The following KIAA0513 variants were observed in gnomAD, a reference collection of about 807,000 sequenced individuals.
The protein encoded by KIAA0513 is KIAA0513.
Under a neutral mutation model 56.5 loss-of-function variants are expected in KIAA0513, and 39 were observed. That is an observed-to-expected ratio of 0.69 (90% CI 0.53 to 0.90). The LOEUF (loss-of-function observed/expected upper bound fraction) is 0.90. Ranked by LOEUF, KIAA0513 falls within the 40% of genes least tolerant of loss-of-function variation. KIAA0513 has a pLI of 0.00. For missense variants in KIAA0513, 591 were observed against 535.2 expected (o/e 1.10, Z -1.03); for synonymous variants, 268 against 215.6 (o/e 1.24, Z -2.13).
intron 1 of KIAA0513, among the ~76,000 whole-genome samples, chr16:85,043,040 T>G (rs2073124503): frequency 6.6e-6 from 1 of 152,310 alleles, no homozygotes; most frequent in Non-Finnish European, 1.5e-5. Flanking sequence ...TATAAACAAG[T>G]AGTAGGAAAG....
At chr16:85,030,092 A>G (rs1312734168) in intron 1 of KIAA0513, among the ~76,000 whole-genome samples, 1 of 151,784 alleles carries the variant, frequency 6.6e-6, no homozygotes, top group Non-Finnish European at 1.5e-5. Flanking sequence ...CTTCTCTTCC[A>G]CCACCTCCCC....
intron 1 of KIAA0513, among the ~76,000 whole-genome samples, chr16:85,066,051 A>G (rs1175915902): frequency 6.6e-6 from 1 of 152,230 alleles, no homozygotes; most frequent in Non-Finnish European, 1.5e-5. Flanking sequence ...GGAGGGGCGT[A>G]TACTTTACGG....
In KIAA0513 at chr16:85,060,053, C is replaced by T. The variant is rs182408834; in HGVS notation, c.-172-6847C>T. ...TTGGCTCACTGCAACCTCCGCTTCC[C>T]GGGCTCAAGCGATCCTCATGCCTCA... On this transcript the variant is annotated intron_variant, in intron 1 of 12. Transcript: ENST00000683363. Among the ~76,000 whole-genome samples, 49 of 152,292 alleles carry T rather than the reference C, an allele frequency of 3.2e-4. 1 individual carries two copies. Among genetic ancestry groups the T allele is most frequent in the Admixed American group, 2.2e-3 (34 of 15,294 alleles).
At chr16:85,050,037 C>T (rs2073228032) in intron 1 of KIAA0513, among the ~76,000 whole-genome samples, 1 of 152,140 alleles carries the variant, frequency 6.6e-6, no homozygotes, top group South Asian at 2.1e-4. Flanking sequence ...GCCCGTCACC[C>T]AGGGAGGGCG....
chr16:85,084,429 CTTTT>C (rs34048494), intron 10 of KIAA0513, among the ~76,000 whole-genome samples: 1 of 53,988 alleles, frequency 1.9e-5, no homozygotes, highest in Non-Finnish European at 3.6e-5. Flanking sequence ...TTTTCGTTCT[CTTTT>C]TTTTTTTTTT....
At chr16:85,059,634 C>T (rs2073376185) in intron 1 of KIAA0513, among the ~76,000 whole-genome samples, 1 of 152,212 alleles carries the variant, frequency 6.6e-6, no homozygotes, top group Admixed American at 6.5e-5. Flanking sequence ...AATACTGCCT[C>T]AGTGGTGTGA....
At chr16:85,062,539 A>G (rs2073421207) in intron 1 of KIAA0513, among the ~76,000 whole-genome samples, 1 of 152,212 alleles carries the variant, frequency 6.6e-6, no homozygotes, top group South Asian at 2.1e-4. Flanking sequence ...GGTTTCTCAG[A>G]GTCTGGGGAC....
At chr16:85,034,685 T>C (rs931296290) in intron 1 of KIAA0513, among the ~76,000 whole-genome samples, 4 of 152,114 alleles carry the variant, frequency 2.6e-5, no homozygotes, top group African/African-American at 9.7e-5. Context: ...ATTTATAGGG[T>C]TTCCTCTGTC....
Position 85,081,319 on chromosome 16 carries a change from A to G in KIAA0513, c.907A>G (p.Thr303Ala). ...THLKQQPIWH[T>A]LRFWNAAFFD... ...GACTGGGGCTCTGTCTTGCAGGCAC[A>G]CTCTGAGGTTCTGGAATGCAGCCTT... Residue 303 changes from threonine (T) to alanine (A), a missense_variant, in exon 9 of 13, where the codon ACT (threonine) becomes GCT (alanine). By Grantham distance (58) the Thr-to-Ala change is moderately conservative (BLOSUM62 0). Coordinates refer to ENST00000683363, the MANE Select transcript of KIAA0513 (RefSeq NM_001388359.1). The surrounding 1 kb of genome is among the most constrained non-coding windows in gnomAD (Gnocchi z 4.4). The G allele has an allele frequency of 6.2e-7, 1 of 1,612,096 alleles. No homozygotes were observed.
rs397854599 is a variant in KIAA0513 at position 85,071,780 on chromosome 16, T to TC, written c.330-3_330-2insC. ...TTCCTCTGCTCTTTTTTTTTTTTTT[T>TC]AGGGAGGACTTGGATCAGGAGGAGA... On this transcript the variant is annotated splice_polypyrimidine_tract_variant and splice_region_variant and intron_variant, in intron 2 of 12. Coordinates refer to ENST00000683363, the MANE Select transcript of KIAA0513 (RefSeq NM_001388359.1). The TC allele has an allele frequency of 2.6e-6, 4 of 1,567,796 alleles. No homozygotes were observed. The African/African-American group carries it at 4.2e-5, about 16-fold the overall frequency.
intron 1 of KIAA0513, among the ~76,000 whole-genome samples, chr16:85,035,920 A>G (rs28399861): frequency 0.079 from 11,746 of 149,458 alleles, 749 homozygotes; most frequent in South Asian, 0.16. Flanking sequence ...CAGAGCTTGC[A>G]GTGAGCCGAG....
In KIAA0513 at chr16:85,088,610, AG is replaced by A. The variant is rs2073836378; in HGVS notation, c.*288del. On this transcript the variant is annotated 3_prime_UTR_variant, in exon 13 of 13. Transcript: ENST00000683363. Reference sequence around the variant, plus strand: ...GCCAGGCTTGTGAGATGAGACCAAGAGGGAGGAGGGGAAGGACTCCATGGGC... The same window carrying A: ...GCCAGGCTTGTGAGATGAGACCAAGAGGAGGAGGGGAAGGACTCCATGGGC... 2.5e-6 allele frequency: 1 copy of A among 405,142 alleles called. No individual in the cohort carries two copies. Among genetic ancestry groups the A allele is most frequent in the Non-Finnish European group, 4.5e-6 (1 of 221,286 alleles). The allele number at this position is 405,142 out of a possible 1,614,324, so 25.1% of individuals were successfully genotyped here.
chr16:85,071,345 C>T (rs1341842764), intron 2 of KIAA0513, among the ~76,000 whole-genome samples: 1 of 152,212 alleles, frequency 6.6e-6, no homozygotes, highest in Non-Finnish European at 1.5e-5. Flanking sequence ...TGAGACAGAG[C>T]AAATTCAGGA....
chr16:85,071,246 G>A (rs184099114), intron 2 of KIAA0513, among the ~76,000 whole-genome samples: 3 of 152,286 alleles, frequency 2.0e-5, no homozygotes, highest in Admixed American at 1.3e-4. Context: ...GAGCAGCCTC[G>A]CTCCAGAAGT....
In KIAA0513 at chr16:85,081,340, GC is replaced by G; in HGVS notation, c.930del (p.Phe312LeufsTer32). The stretch of plus-strand genomic sequence containing the variant: ...GCACACTCTGAGGTTCTGGAATGCA[GC>G]CTTTTTTGACGCTGTCCATTGTGAG... ...IWHTLRFWNA[A>X]FFDAVHCERT... On this transcript the variant is annotated frameshift_variant, in exon 9 of 13. Transcript: ENST00000683363. LOFTEE classifies it high-confidence loss of function. This position sits in a 1 kb window ranked among gnomAD's most constrained non-coding sequence, Gnocchi z 4.4. 6.2e-7 allele frequency: 1 copy of G among 1,607,064 alleles called. No individual in the cohort carries two copies. The highest frequency in any genetic ancestry group is 8.5e-7 in the Non-Finnish European group (1 of 1,176,754).
chr16:85,046,919 C>G (rs1365158909), intron 1 of KIAA0513, among the ~76,000 whole-genome samples: 1 of 152,178 alleles, frequency 6.6e-6, no homozygotes, highest in Non-Finnish European at 1.5e-5. Context: ...TCCAATGTCT[C>G]TGTTAGCTCA....
At chr16:85,029,631 C>T (rs1379135472) in intron 1 of KIAA0513, among the ~76,000 whole-genome samples, 1 of 152,188 alleles carries the variant, frequency 6.6e-6, no homozygotes, top group Non-Finnish European at 1.5e-5. Flanking sequence ...CTTCTCTCTC[C>T]TCCCACCTCC....
chr16:85,077,761 C>T, intron 6 of KIAA0513, 129 bp downstream of exon 6: 1 of 687,384 alleles, frequency 1.5e-6, no homozygotes, highest in East Asian at 2.7e-5. Context: ...CGCTGCCCAG[C>T]CACTTCTGCC....
intron 1 of KIAA0513, among the ~76,000 whole-genome samples, chr16:85,055,473 T>C (rs1659549691): frequency 6.6e-6 from 1 of 152,222 alleles, no homozygotes; most frequent in African/African-American, 2.4e-5. Flanking sequence ...AAAGTGAAAG[T>C]GAAGTCCCTT....
Sources: allele counts gnomAD v4.1 joint callset (sites outside exome capture counted in the v4.1 genomes callset), GRCh38; gene constraint gnomAD v4.1.1; non-coding constraint Gnocchi (gnomAD v3.1); transcripts MANE v1.5; gene names NCBI Gene and HGNC (gene_info 2026-07-23, HGNC 2026-07-21).